The following TAFA1 variants were observed in gnomAD, a reference collection of about 807,000 sequenced individuals.
TAFA1 encodes TAFA chemokine like family member 1.
Under a neutral mutation model 18.5 loss-of-function variants are expected in TAFA1, and 4 were observed. The observed-to-expected ratio is 0.22, with a 90% CI of 0.11 to 0.49. The LOEUF (loss-of-function observed/expected upper bound fraction) is 0.49. TAFA1 is among the 20% of genes least tolerant of loss of function. TAFA1 has a pLI of 0.98. For synonymous variants in TAFA1, 56 were observed against 55.2 expected (o/e 1.01, Z -0.06); for missense variants, 147 against 169.0 (o/e 0.87, Z 0.72).
At chr3:67,996,793 C>CA in the TAFA1 span, among the ~76,000 whole-genome samples, 15,502 of 92,160 alleles carry the variant, frequency 0.17, 958 homozygotes, top group African/African-American at 0.26. Flanking sequence ...AACTCCACCT[C>CA]AAAAAAACAA....
At chr3:68,351,661 GTC>G (rs903338605) in intron 2 of TAFA1, among the ~76,000 whole-genome samples, 2 of 151,946 alleles carry the variant, frequency 1.3e-5, no homozygotes, top group African/African-American at 4.8e-5. Flanking sequence ...AGAACTTTGA[GTC>G]TCTAGGGGTA....
chr3:68,277,179 A>G (rs899918875), intron 2 of TAFA1, among the ~76,000 whole-genome samples: 1 of 152,206 alleles, frequency 6.6e-6, no homozygotes, highest in Non-Finnish European at 1.5e-5. Context: ...TTCCACCTTT[A>G]TTCATACCAG....
chr3:68,188,841 G>GT (rs1559552583), intron 2 of TAFA1, among the ~76,000 whole-genome samples: 32 of 151,856 alleles, frequency 2.1e-4, no homozygotes, highest in African/African-American at 7.0e-4. Flanking sequence ...GAATAGTGGG[G>GT]GTTTTTTGTT....
chr3:68,013,169 G>T (rs1461794394), intron 2 of TAFA1, among the ~76,000 whole-genome samples: 1 of 152,018 alleles, frequency 6.6e-6, no homozygotes, highest in Non-Finnish European at 1.5e-5. Context: ...GAAAATACTT[G>T]TTTAATTACT....
Position 68,482,907 on chromosome 3 carries a change from C to T in TAFA1, c.260-55849C>T, listed in dbSNP as rs1417449628. ...GTTGACATAGTTGAAGCCTCTGGTC[C>T]TGGAAGTGCCTAAAGTTAGTCCTGT... is the stretch of plus-strand genomic sequence containing the variant. On this transcript the variant is annotated intron_variant, in intron 3 of 4. Transcript: ENST00000478136. 2.6e-5 allele frequency among the ~76,000 whole-genome samples: 4 copies of T among 152,160 alleles called. No individual in the cohort carries two copies. The East Asian group carries it at 7.7e-4, about 29-fold the overall frequency.
intron 2 of TAFA1, among the ~76,000 whole-genome samples, chr3:68,121,562 G>T (rs967357804): frequency 6.6e-6 from 1 of 152,080 alleles, no homozygotes; most frequent in Non-Finnish European, 1.5e-5. Flanking sequence ...AGTGTGTTTG[G>T]AGTGCAAATG....
intron 3 of TAFA1, among the ~76,000 whole-genome samples, chr3:68,435,913 C>G (rs1416025630): frequency 6.6e-6 from 1 of 152,104 alleles, no homozygotes; most frequent in Non-Finnish European, 1.5e-5. Context: ...GTTAGAATCA[C>G]CTAGGGAGGT....
rs1347057703 is a variant in TAFA1, at chr3:68,175,506, G to C, written c.118+168762G>C. ...GCATGTGAGACATGGATTCAAAGGA[G>C]ATCATTTTGGAGCTTTAAGATTCGT... On this transcript the variant is annotated intron_variant, in intron 2 of 4. Coordinates refer to ENST00000478136, the MANE Select transcript of TAFA1 (RefSeq NM_213609.4). Among the ~76,000 whole-genome samples, 4 of 152,290 alleles carry C rather than the reference G, an allele frequency of 2.6e-5. No homozygotes were observed. In the East Asian group the frequency reaches 7.7e-4, roughly 29 times the overall value.
chr3:68,155,867 T>G (rs1438084997), intron 2 of TAFA1, among the ~76,000 whole-genome samples: 1 of 152,200 alleles, frequency 6.6e-6, no homozygotes, highest in East Asian at 1.9e-4. Context: ...CTTAAAGTTA[T>G]ATAATTAATT....
chr3:68,326,491 T>C (rs2068780080), intron 2 of TAFA1, among the ~76,000 whole-genome samples: 2 of 152,212 alleles, frequency 1.3e-5, no homozygotes, highest in Non-Finnish European at 2.9e-5. Context: ...CACATCAGTC[T>C]TGGAACATGT....
At chr3:68,032,254 G>A (rs1361311076) in intron 2 of TAFA1, among the ~76,000 whole-genome samples, 1 of 152,110 alleles carries the variant, frequency 6.6e-6, no homozygotes, top group Non-Finnish European at 1.5e-5. Flanking sequence ...CTCTAGATGA[G>A]CAAGTGTACT....
At chr3:68,410,190 T>C (rs996621559) in intron 2 of TAFA1, among the ~76,000 whole-genome samples, 2 of 152,252 alleles carry the variant, frequency 1.3e-5, no homozygotes, top group Middle Eastern at 3.4e-3. Flanking sequence ...GGTTTGATAA[T>C]GTATTCAGGG....
At chr3:68,199,437 A>T (rs1218448796) in intron 2 of TAFA1, among the ~76,000 whole-genome samples, 1 of 151,582 alleles carries the variant, frequency 6.6e-6, no homozygotes, top group Non-Finnish European at 1.5e-5. Context: ...TTGAAATTAT[A>T]GATCAAGCTG....
At chr3:68,499,480 A>AAACT in intron 3 of TAFA1, among the ~76,000 whole-genome samples, 2 of 138,082 alleles carry the variant, frequency 1.4e-5, no homozygotes, top group Non-Finnish European at 3.1e-5. Context: ...GACATGCTAC[A>AAACT]AACTAAAATT....
intron 2 of TAFA1, among the ~76,000 whole-genome samples, chr3:68,365,564 G>C (rs1395453829): frequency 1.3e-5 from 2 of 152,138 alleles, no homozygotes; most frequent in East Asian, 3.9e-4. Flanking sequence ...AAGGATGTGA[G>C]TTACTATGTA....
chr3:68,421,631 C>A (rs73109077), intron 3 of TAFA1, among the ~76,000 whole-genome samples: 22,483 of 151,662 alleles, frequency 0.15, 2,116 homozygotes, highest in East Asian at 0.33. Context: ...CATTTGCTTC[C>A]TAAGCTCAGT....
At chr3:68,271,379 G>A (rs571896284) in intron 2 of TAFA1, among the ~76,000 whole-genome samples, 88 of 152,222 alleles carry the variant, frequency 5.8e-4, no homozygotes, top group Non-Finnish European at 1.0e-3. Flanking sequence ...TTGTCCAGGG[G>A]ATGGAATTGT....
At chr3:68,271,884 T>G (rs1287214165) in intron 2 of TAFA1, among the ~76,000 whole-genome samples, 1 of 151,978 alleles carries the variant, frequency 6.6e-6, no homozygotes, top group East Asian at 1.9e-4. Context: ...AATGAGTTTA[T>G]TCACCTCAGA....
At chr3:68,303,266 G>A (rs1047455289) in intron 2 of TAFA1, among the ~76,000 whole-genome samples, 7 of 152,082 alleles carry the variant, frequency 4.6e-5, no homozygotes, top group East Asian at 1.9e-4. Flanking sequence ...GCTTTTAATC[G>A]AATTTATAGA....
Sources: allele counts gnomAD v4.1 joint callset (sites outside exome capture counted in the v4.1 genomes callset), GRCh38; gene constraint gnomAD v4.1.1; transcripts MANE v1.5; gene names NCBI Gene and HGNC (gene_info 2026-07-23, HGNC 2026-07-21).